HIBCH: variants seen among roughly 807,000 people sequenced by gnomAD.
HIBCH encodes 3-hydroxyisobutyryl-CoA hydrolase, also known as 3-hydroxyisobutyryl-CoA hydrolase, mitochondrial.
Under a neutral mutation model 58.2 loss-of-function variants are expected in HIBCH, and 50 were observed. That is an observed-to-expected ratio of 0.86 (90% CI 0.68 to 1.09). HIBCH has a LOEUF of 1.09. Among genes scored for constraint, HIBCH ranks in the 50% least tolerant of loss-of-function variants. The probability of loss-of-function intolerance (pLI) is 0.00; values close to 1 mark genes in which losing one functional copy is unlikely to be tolerated. For synonymous variants in HIBCH, 151 were observed against 146.9 expected, an observed-to-expected ratio of 1.03 and a Z score of -0.20; for missense variants, 450 against 449.7, an observed-to-expected ratio of 1.00 and a Z score of -0.01.
chr2:190,212,392 A>G (rs766721030), intron 12 of HIBCH, among the ~76,000 whole-genome samples: 21 of 152,206 alleles, frequency 1.4e-4, no homozygotes, highest in Non-Finnish European at 2.8e-4. Flanking sequence ...TCTGAACATA[A>G]AGGATGATTC....
At chr2:190,225,854 T>G (rs1424046806) in intron 11 of HIBCH, among the ~76,000 whole-genome samples, 1 of 152,140 alleles carries the variant, frequency 6.6e-6, no homozygotes, top group Non-Finnish European at 1.5e-5. Flanking sequence ...TGATGAACAT[T>G]GATGCAAAAA....
intron 4 of HIBCH, 34 bp from the exon 5 acceptor site, chr2:190,290,519 G>T (rs1375242582): frequency 2.4e-6 from 3 of 1,248,594 alleles, no homozygotes; most frequent in South Asian, 1.2e-5. Flanking sequence ...AAAAAAAAAA[G>T]ATTTAATAGT....
At chr2:190,259,723 A>G (rs1687034097) in intron 7 of HIBCH, among the ~76,000 whole-genome samples, 1 of 152,130 alleles carries the variant, frequency 6.6e-6, no homozygotes, top group Non-Finnish European at 1.5e-5. Context: ...TACTGTATTT[A>G]TTAGTTCAAA....
At chr2:190,302,390 A>C (rs111737654) in intron 2 of HIBCH, among the ~76,000 whole-genome samples, 3 of 152,236 alleles carry the variant, frequency 2.0e-5, no homozygotes, top group African/African-American at 7.2e-5. Context: ...GAGACTTAAC[A>C]AGTAGTATCA....
At chr2:190,250,376 A>G (rs908668629) in intron 8 of HIBCH, 4 of 470,078 alleles carry the variant, frequency 8.5e-6, no homozygotes, top group African/African-American at 6.0e-5. Context: ...TACACTTACC[A>G]TACTTTACCT....
intron 13 of HIBCH, among the ~76,000 whole-genome samples, chr2:190,205,756 TA>T (rs942325557): frequency 6.6e-6 from 1 of 152,130 alleles, no homozygotes; most frequent in African/African-American, 2.4e-5. Flanking sequence ...GCTCTGGATT[TA>T]AAAAAATCAG....
chr2:190,306,457 C>G lies in HIBCH; in HGVS notation c.78+4297G>C, dbSNP rs190750919. Among the ~76,000 whole-genome samples the G allele has an allele frequency of 6.6e-6, 1 of 152,124 alleles. No homozygotes were observed. Among genetic ancestry groups the G allele is most frequent in the Non-Finnish European group, 1.5e-5 (1 of 68,032 alleles). On this transcript the variant is annotated intron_variant, in intron 2 of 13. Coordinates refer to ENST00000359678, the MANE Select transcript of HIBCH (RefSeq NM_014362.4). This position sits in a 1 kb window ranked among gnomAD's most constrained non-coding sequence, Gnocchi z 4.6. ...AGGTAATGTCTTCCTCTGGGACAGA[C>G]AGCAGACTTATTTACAGCTTACTAA... is the stretch of plus-strand genomic sequence containing the variant.
chr2:190,262,955 CCACTT>C (rs1687133810), intron 6 of HIBCH, among the ~76,000 whole-genome samples: 2 of 152,280 alleles, frequency 1.3e-5, no homozygotes, highest in South Asian at 4.1e-4. Flanking sequence ...AATAGTCAAG[CCACTT>C]CACTTGAAGA....
chr2:190,244,834 C>G (rs1686558027), intron 11 of HIBCH, 53 bp downstream of exon 11: 1 of 1,137,846 alleles, frequency 8.8e-7, no homozygotes, highest in Non-Finnish European at 1.3e-6. Context: ...AGAGGCTTCC[C>G]TGTCACCGGA....
At chr2:190,260,039 C>T (rs1687046030) in intron 7 of HIBCH, among the ~76,000 whole-genome samples, 1 of 152,056 alleles carries the variant, frequency 6.6e-6, no homozygotes, top group Non-Finnish European at 1.5e-5. Flanking sequence ...TTCTATTCAA[C>T]ATTGTATTGG....
chr2:190,227,757 G>A (rs1369950915), intron 11 of HIBCH, among the ~76,000 whole-genome samples: 13 of 152,094 alleles, frequency 8.5e-5, no homozygotes, highest in Admixed American at 5.9e-4. Context: ...GATATGAACA[G>A]CCACTTCTCA....
At chr2:190,272,381 T>C (rs1188067353) in intron 6 of HIBCH, among the ~76,000 whole-genome samples, 1 of 152,214 alleles carries the variant, frequency 6.6e-6, no homozygotes, top group Non-Finnish European at 1.5e-5. Context: ...GAAGCTCACA[T>C]ATCCATATAT....
At chr2:190,241,907 A>G (rs1686465079) in intron 11 of HIBCH, among the ~76,000 whole-genome samples, 1 of 151,894 alleles carries the variant, frequency 6.6e-6, no homozygotes, top group African/African-American at 2.4e-5. Context: ...TTTTTCCTTC[A>G]TTTCAACTTT....
At chr2:190,241,845 T>C (rs926235700) in intron 11 of HIBCH, among the ~76,000 whole-genome samples, 1 of 152,254 alleles carries the variant, frequency 6.6e-6, no homozygotes, top group African/African-American at 2.4e-5. Context: ...GTTAGTCTGA[T>C]GGGCTTCCCT....
Position 190,248,296 on chromosome 2 carries a change from T to C in HIBCH, c.750+1344A>G, listed in dbSNP as rs186134091. 2.6e-5 allele frequency among the ~76,000 whole-genome samples: 4 copies of C among 152,304 alleles called. No homozygotes were observed. In the East Asian group the frequency reaches 7.7e-4, roughly 29 times the overall value. On this transcript the variant is annotated intron_variant, in intron 9 of 13. Transcript: ENST00000359678. ...TACATTATAAGATGATCAGGCAAGA[T>C]GTGTTATTAAGGGGTCCATGAATTT... is the stretch of plus-strand genomic sequence containing the variant.
chr2:190,264,328 TAC>T (rs1232203122), intron 6 of HIBCH, among the ~76,000 whole-genome samples: 12 of 151,814 alleles, frequency 7.9e-5, no homozygotes, highest in African/African-American at 2.9e-4. Context: ...CACTTAAAGG[TAC>T]ACAAACAGTA....
intron 11 of HIBCH, among the ~76,000 whole-genome samples, chr2:190,222,731 G>C (rs1685757473): frequency 6.6e-6 from 1 of 152,166 alleles, no homozygotes; most frequent in African/African-American, 2.4e-5. Flanking sequence ...CAAGGATCTA[G>C]AACTAGAAAT....
downstream of HIBCH, chr2:190,199,976 C>T: frequency 2.5e-6 from 4 of 1,614,100 alleles, no homozygotes; most frequent in Non-Finnish European, 3.4e-6. Context: ...CCTAGGATGG[C>T]TTCTCCAGTT....
chr2:190,209,187 T>A lies in HIBCH; in HGVS notation c.1012-274A>T, dbSNP rs1690461516. 6.6e-6 allele frequency among the ~76,000 whole-genome samples: 1 copy of A among 152,214 alleles called. No homozygotes were observed. Among genetic ancestry groups the A allele is most frequent in the Non-Finnish European group, 1.5e-5 (1 of 68,040 alleles). On this transcript the variant is annotated intron_variant, in intron 12 of 13. Transcript: ENST00000359678. This position sits in a 1 kb window ranked among gnomAD's most constrained non-coding sequence, Gnocchi z 5.6. ...CATCTGTGCTGGCTTCACTTTGCTC[T>A]TCATCCAGCCCAATTTCACCAGTCC...
Sources: gnomAD v4.1 joint callset for allele counts (sites outside exome capture counted in the v4.1 genomes callset) on GRCh38, gnomAD v4.1.1 for gene constraint, Gnocchi (gnomAD v3.1) non-coding constraint, MANE v1.5 for transcripts, NCBI Gene and HGNC (gene_info 2026-07-23, HGNC 2026-07-21) for gene names.